The following GNB1 variants were observed in gnomAD, a reference collection of about 807,000 sequenced individuals.
GNB1 encodes the protein G protein subunit beta 1.
In GNB1, 2 loss-of-function variants were observed where a neutral mutation model predicts 42.9. The ratio of observed to expected loss-of-function variants is 0.05; its 90% CI spans 0.02 to 0.15. The LOEUF (loss-of-function observed/expected upper bound fraction) is 0.15. Among genes scored for constraint, GNB1 ranks in the 10% least tolerant of loss-of-function variants. The pLI, the probability that GNB1 is intolerant of heterozygous loss-of-function variation, is 1.00. For missense variants in GNB1, 193 were observed against 462.2 expected, an observed-to-expected ratio of 0.42 and a Z score of 5.34; for synonymous variants, 183 against 174.7, an observed-to-expected ratio of 1.05 and a Z score of -0.38.
At chr1:1,825,640 A>T (rs563392682) in intron 2 of GNB1, 141 bp from the exon 3 acceptor site, 1 of 553,358 alleles carries the variant, frequency 1.8e-6, no homozygotes, top group African/African-American at 1.9e-5. Context: ...CGAGGCGGGC[A>T]GATCACGAGG....
intron 2 of GNB1, among the ~76,000 whole-genome samples, chr1:1,834,041 G>C (rs1262665438): frequency 6.6e-6 from 1 of 152,124 alleles, no homozygotes; most frequent in Admixed American, 6.6e-5. Flanking sequence ...AAGGGAAAAA[G>C]GAGAGAAAGC....
intron 9 of GNB1, 36 bp from the exon 10 acceptor site, chr1:1,789,305 C>G (rs367821825): frequency 2.5e-6 from 3 of 1,205,952 alleles, no homozygotes; most frequent in Admixed American, 1.7e-5. Context: ...ATCATGTAAA[C>G]GCTCAGAAAG....
At chr1:1,835,548 CCA>C (rs1557914321) in intron 2 of GNB1, among the ~76,000 whole-genome samples, 1 of 152,190 alleles carries the variant, frequency 6.6e-6, no homozygotes, top group African/African-American at 2.4e-5. Context: ...GCCTCACCTG[CCA>C]CACTTTCCAT....
chr1:1,807,396 G>A (rs1211862312), intron 5 of GNB1, among the ~76,000 whole-genome samples: 2 of 146,840 alleles, frequency 1.4e-5, no homozygotes, highest in Non-Finnish European at 3.0e-5. Context: ...CCCAGGAGGC[G>A]GGGGTTGCAG....
Position 1,817,893 on chromosome 1 carries a change from T to G in GNB1, c.58-18A>C, listed in dbSNP as rs1557900443. ...CTGGCGTCCTGGGAAGCAAGGACAGTGAGAAATTAGCAACCTTTCAGATAC... is the reference window on the plus strand; with the variant it reads ...CTGGCGTCCTGGGAAGCAAGGACAGGGAGAAATTAGCAACCTTTCAGATAC... On this transcript the variant is annotated intron_variant, in intron 3 of 11. Coordinates refer to ENST00000378609, the MANE Select transcript of GNB1 (RefSeq NM_002074.5). The G allele has an allele frequency of 6.2e-7, 1 of 1,601,754 alleles. No homozygotes were observed. Among genetic ancestry groups the G allele is most frequent in the Non-Finnish European group, 8.6e-7 (1 of 1,168,862 alleles).
intron 1 of GNB1, among the ~76,000 whole-genome samples, chr1:1,865,599 G>A (rs1052814004): frequency 6.6e-6 from 1 of 151,994 alleles, no homozygotes; most frequent in Non-Finnish European, 1.5e-5. Context: ...AAGAACTACC[G>A]GATTACAGTT....
At chr1:1,809,117 C>T (rs994829878) in intron 5 of GNB1, among the ~76,000 whole-genome samples, 7 of 151,946 alleles carry the variant, frequency 4.6e-5, no homozygotes, top group African/African-American at 1.4e-4. Flanking sequence ...TTTTCACCTG[C>T]ACTTTATTAC....
intron 2 of GNB1, among the ~76,000 whole-genome samples, chr1:1,828,639 C>A (rs996777550): frequency 6.6e-6 from 1 of 152,136 alleles, no homozygotes; most frequent in Admixed American, 6.6e-5. Context: ...AGAAAAAAAC[C>A]AGACGGACTT....
intron 7 of GNB1, among the ~76,000 whole-genome samples, chr1:1,797,158 G>T (rs1646557411): frequency 6.6e-6 from 1 of 152,094 alleles, no homozygotes; most frequent in Non-Finnish European, 1.5e-5. Context: ...CGGGACGATG[G>T]GCTTGAGAAA....
intron 1 of GNB1, among the ~76,000 whole-genome samples, chr1:1,880,868 A>C (rs1649805575): frequency 6.6e-6 from 1 of 152,126 alleles, no homozygotes; most frequent in African/African-American, 2.4e-5. Context: ...AGTGAACCAG[A>C]CTGCCTGTGT....
intron 1 of GNB1, among the ~76,000 whole-genome samples, chr1:1,871,256 T>TA (rs1249692908): frequency 9.2e-5 from 14 of 152,074 alleles, no homozygotes; most frequent in Admixed American, 7.2e-4. Context: ...GGCCAGGAGT[T>TA]AGAGACCAGC....
At chr1:1,859,652 T>C (rs979771592) in intron 1 of GNB1, among the ~76,000 whole-genome samples, 1 of 117,466 alleles carries the variant, frequency 8.5e-6, no homozygotes, top group African/African-American at 3.3e-5. Context: ...GGGAGCAGGG[T>C]AAACTAAAGG....
chr1:1,804,930 C>G (rs189311405), intron 6 of GNB1, among the ~76,000 whole-genome samples: 1 of 152,032 alleles, frequency 6.6e-6, no homozygotes, highest in African/African-American at 2.4e-5. Flanking sequence ...GAGGCTAAGT[C>G]GGGCAGATCA....
intron 3 of GNB1, among the ~76,000 whole-genome samples, chr1:1,824,549 T>G (rs1318523258): frequency 4.6e-5 from 7 of 152,170 alleles, no homozygotes; most frequent in Admixed American, 4.6e-4. Context: ...GTGCAGTTTA[T>G]TTACACACGG....
intron 5 of GNB1, among the ~76,000 whole-genome samples, chr1:1,815,244 C>T (rs993098811): frequency 6.6e-6 from 1 of 152,172 alleles, no homozygotes; most frequent in Non-Finnish European, 1.5e-5. Context: ...CAGCTCACAG[C>T]GCATTCCCGT....
chr1:1,881,364 G>C (rs375481476), intron 1 of GNB1, among the ~76,000 whole-genome samples: 77 of 152,026 alleles, frequency 5.1e-4, no homozygotes, highest in African/African-American at 1.8e-3. Flanking sequence ...ATCCCCATCA[G>C]ATCAATCTCC....
intron 1 of GNB1, among the ~76,000 whole-genome samples, chr1:1,890,186 G>A (rs6603805): frequency 0.25 from 38,736 of 152,064 alleles, 5,176 homozygotes; most frequent in African/African-American, 0.29. Context: ...CAGCGCGACT[G>A]CCTCAGCGGC....
chr1:1,836,833 G>A (rs1158708211), intron 2 of GNB1, among the ~76,000 whole-genome samples: 1 of 150,774 alleles, frequency 6.6e-6, no homozygotes, highest in Non-Finnish European at 1.5e-5. Flanking sequence ...TTACAGGTGT[G>A]AGCCACCGTG....
rs142462607 is a variant in GNB1, at chr1:1,851,983, C to A, written c.-95-12745G>T. ...GCTTGAACCCAGGAGGCAGAGATTG[C>A]GGTGAGCCAAGATAGCGCCATTGCA... On this transcript the variant is annotated intron_variant, in intron 1 of 11. Coordinates refer to ENST00000378609, the MANE Select transcript of GNB1 (RefSeq NM_002074.5). 1.9e-4 allele frequency among the ~76,000 whole-genome samples: 29 copies of A among 151,146 alleles called. 2 individuals carry two copies. Among genetic ancestry groups the A allele is most frequent in the Admixed American group, 1.1e-3 (16 of 15,180 alleles).
Sources: allele counts gnomAD v4.1 joint callset (sites outside exome capture counted in the v4.1 genomes callset), GRCh38; gene constraint gnomAD v4.1.1; transcripts MANE v1.5; gene names NCBI Gene and HGNC (gene_info 2026-07-23, HGNC 2026-07-21).